The following CMTM4 variants were observed in gnomAD, a reference collection of about 807,000 sequenced individuals.
CMTM4 encodes the protein CKLF-like MARVEL transmembrane domain-containing protein 4.
In CMTM4, 8 loss-of-function variants were observed where a neutral mutation model predicts 19.0. The observed-to-expected ratio is 0.42, with a 90% CI of 0.25 to 0.76. CMTM4 has a LOEUF of 0.76. Ranked by LOEUF, CMTM4 falls within the 30% of genes least tolerant of loss-of-function variation. The probability of loss-of-function intolerance (pLI) is 0.27; values close to 1 mark genes in which losing one functional copy is unlikely to be tolerated. For missense variants in CMTM4, 228 were observed against 290.2 expected (o/e 0.79, Z 1.56); for synonymous variants, 106 against 121.1 (o/e 0.88, Z 0.82).
At chr16:66,682,045 A>G (rs900417123) in intron 1 of CMTM4, among the ~76,000 whole-genome samples, 4 of 152,122 alleles carry the variant, frequency 2.6e-5, no homozygotes, top group Admixed American at 1.3e-4. Flanking sequence ...AGGTGGTCCA[A>G]TGGTTTGTGT....
Position 66,619,069 on chromosome 16 carries a change from T to C in CMTM4, c.*2989A>G. On this transcript the variant is annotated 3_prime_UTR_variant, in exon 4 of 4. Coordinates refer to ENST00000394106, the MANE Select transcript of CMTM4 (RefSeq NM_181521.3). ...TTCAAATCAAACTTCTCTGACGAGA[T>C]TTTAATCTGAAACTGCATCTGTTCT... The C allele has an allele frequency of 1.0e-6, 1 of 985,474 alleles. No individual in the cohort carries two copies. Among genetic ancestry groups the C allele is most frequent in the Non-Finnish European group, 1.2e-6 (1 of 829,934 alleles). 61.0% of individuals were successfully genotyped at this position (985,474 alleles called of 1,614,324 possible). A position where few individuals can be genotyped will look rare whatever the true frequency, so the allele number is the denominator to read the frequency against.
At chr16:66,611,641 G>A (rs1321877055), downstream of CMTM4, among the ~76,000 whole-genome samples, 1 of 152,096 alleles carries the variant, frequency 6.6e-6, no homozygotes, top group Non-Finnish European at 1.5e-5. Context: ...GGGAGGGGAT[G>A]AGCATCAGGA....
At chr16:66,625,327 G>C (rs1473881214) in intron 2 of CMTM4, among the ~76,000 whole-genome samples, 2 of 151,984 alleles carry the variant, frequency 1.3e-5, no homozygotes, top group Admixed American at 1.3e-4. Context: ...CCAGCTACTC[G>C]GGAGGCTGAG....
chr16:66,627,172 T>A, intron 2 of CMTM4, among the ~76,000 whole-genome samples: 1 of 152,176 alleles, frequency 6.6e-6, no homozygotes, highest in Admixed American at 6.5e-5. Context: ...AAGTGCTCAA[T>A]AGGGGAGTTG....
rs1049467110 is a variant in CMTM4, at chr16:66,656,294, G to A, written c.187-19713C>T. Among the ~76,000 whole-genome samples, 6 of 152,240 alleles carry A rather than the reference G, an allele frequency of 3.9e-5. No individual in the cohort carries two copies. In the East Asian group the frequency reaches 7.7e-4, roughly 20 times the overall value. ...AAAAAACTGCCATTTGGCAGCTATC[G>A]TAATTCTTGATTCAGGCAAGAGTCA... is the stretch of plus-strand genomic sequence containing the variant. On this transcript the variant is annotated intron_variant, in intron 1 of 3. Transcript: ENST00000394106.
chr16:66,690,846 C>A (rs1010010300), intron 1 of CMTM4, among the ~76,000 whole-genome samples: 49 of 152,174 alleles, frequency 3.2e-4, no homozygotes, highest in African/African-American at 1.2e-3. Flanking sequence ...GTGGCTCACA[C>A]CTGTAATCCC....
intron 2 of CMTM4, among the ~76,000 whole-genome samples, chr16:66,633,569 G>C (rs1054421043): frequency 5.3e-5 from 8 of 152,128 alleles, no homozygotes; most frequent in African/African-American, 1.9e-4. Context: ...TGTAACCTCA[G>C]CACTTTGGGA....
At chr16:66,680,131 T>C (rs2098595934) in intron 1 of CMTM4, among the ~76,000 whole-genome samples, 1 of 152,180 alleles carries the variant, frequency 6.6e-6, no homozygotes, top group South Asian at 2.1e-4. Context: ...GTATCATTTA[T>C]TGATTGAGAA....
rs1033534062 is a variant in CMTM4 at position 66,619,882 on chromosome 16, C to T, written c.*2176G>A. On this transcript the variant is annotated 3_prime_UTR_variant, in exon 4 of 4. Transcript: ENST00000394106. The stretch of plus-strand genomic sequence containing the variant: ...CGAAGATGCAAATTAACTCCTAAGT[C>T]ACTCTCTGGCGTGTCATCCTTTTTG... 5.1e-6 allele frequency: 5 copies of T among 985,256 alleles called. No individual in the cohort carries two copies. The African/African-American group carries it at 8.7e-5, about 17-fold the overall frequency. 61.0% of individuals were successfully genotyped at this position (985,256 alleles called of 1,614,324 possible). A position where few individuals can be genotyped will look rare whatever the true frequency, so the allele number is the denominator to read the frequency against.
chr16:66,659,670 T>G (rs1173112237), intron 1 of CMTM4, among the ~76,000 whole-genome samples: 2 of 152,236 alleles, frequency 1.3e-5, no homozygotes, highest in Non-Finnish European at 2.9e-5. Flanking sequence ...ATATTGATAT[T>G]GTGGATGTGT....
At position 66,622,241 on chromosome 16, in the gene CMTM4, A is replaced by C; in HGVS notation, c.463-19T>G. On this transcript the variant is annotated intron_variant, in intron 3 of 3. Transcript: ENST00000394106. This position sits in a 1 kb window ranked among gnomAD's most constrained non-coding sequence, Gnocchi z 4.0. Reference sequence around the variant, plus strand: ...CAAATATCTAAAAACACACCAGCACAGTTAGTCCTCGGGCACGTGGCCTGG... The same window carrying C: ...CAAATATCTAAAAACACACCAGCACCGTTAGTCCTCGGGCACGTGGCCTGG... The C allele has an allele frequency of 6.2e-7, 1 of 1,612,280 alleles. No individual in the cohort carries two copies. Among genetic ancestry groups the C allele is most frequent in the East Asian group, 2.2e-5 (1 of 44,858 alleles).
rs1053088436 is a variant in CMTM4, at chr16:66,622,319, G to A, written c.463-97C>T. The stretch of plus-strand genomic sequence containing the variant: ...GCCACATGCAGCCCCTTCCTGCTCT[G>A]CCAGCTGATCATTACAACCCTGTGC... On this transcript the variant is annotated intron_variant, in intron 3 of 3. Coordinates refer to ENST00000394106, the MANE Select transcript of CMTM4 (RefSeq NM_181521.3). The surrounding 1 kb of genome is among the most constrained non-coding windows in gnomAD (Gnocchi z 4.0). The A allele has an allele frequency of 7.4e-7, 1 of 1,351,476 alleles. No homozygotes were observed. Among genetic ancestry groups the A allele is most frequent in the African/African-American group, 1.4e-5 (1 of 70,062 alleles). The allele number at this position is 1,351,476 out of a possible 1,614,324, so 83.7% of individuals were successfully genotyped here. A position where few individuals can be genotyped will look rare whatever the true frequency, so the allele number is the denominator to read the frequency against.
intron 1 of CMTM4, among the ~76,000 whole-genome samples, chr16:66,654,752 A>C (rs932156975): frequency 6.6e-6 from 1 of 152,066 alleles, no homozygotes; most frequent in Non-Finnish European, 1.5e-5. Flanking sequence ...GTTTTCTTTT[A>C]TTTATTCAAC....
chr16:66,620,508 G>A lies in CMTM4; in HGVS notation c.*1550C>T, dbSNP rs2015610734. ...CAGTGTTGCCTGATCAACACTGTGA[G>A]CTCAGATGCTGTCCTTTTCTGGGGA... On this transcript the variant is annotated 3_prime_UTR_variant, in exon 4 of 4. Coordinates refer to ENST00000394106, the MANE Select transcript of CMTM4 (RefSeq NM_181521.3). 3 of 985,386 alleles carry A rather than the reference G, an allele frequency of 3.0e-6. No individual in the cohort carries two copies. The highest frequency in any genetic ancestry group is 1.2e-6 in the Non-Finnish European group (1 of 829,988). 61.0% of individuals were successfully genotyped at this position (985,386 alleles called of 1,614,324 possible).
At position 66,619,992 on chromosome 16, in the gene CMTM4, C is replaced by G. The variant is rs2015599449; in HGVS notation, c.*2066G>C. 1.0e-6 allele frequency: 1 copy of G among 985,384 alleles called. No individual in the cohort carries two copies. The highest frequency in any genetic ancestry group is 1.2e-6 in the Non-Finnish European group (1 of 829,930). 61.0% of individuals were successfully genotyped at this position (985,384 alleles called of 1,614,324 possible). A position where few individuals can be genotyped will look rare whatever the true frequency, so the allele number is the denominator to read the frequency against. ...ATCCTCAGGAGGCCAACCACCTGCC[C>G]CCCTCTTTCACCAGATGATCAAGTG... is the stretch of plus-strand genomic sequence containing the variant. On this transcript the variant is annotated 3_prime_UTR_variant, in exon 4 of 4. Transcript: ENST00000394106.
In CMTM4 at chr16:66,623,498, A is replaced by G; in HGVS notation, c.368T>C (p.Leu123Ser). The change falls in exon 3 of 4, where the codon TTG becomes TCG. Residue 123 changes from leucine to serine, a missense_variant. Physicochemically the swap from Leu to Ser is moderately radical, Grantham distance 145. Transcript: ENST00000394106. The stretch of plus-strand genomic sequence containing the variant: ...GAAAGCGCTGAGTCCAGTGTTGACC[A>G]AATCCTAAAGGGAGAGACAAAATAA... ...IPQINWNLTD[L>S]VNTGLSAFLF... The G allele has an allele frequency of 1.2e-6, 2 of 1,606,348 alleles. No homozygotes were observed. Among genetic ancestry groups the G allele is most frequent in the Non-Finnish European group, 1.7e-6 (2 of 1,175,598 alleles).
the CMTM4 span, among the ~76,000 whole-genome samples, chr16:66,607,565 A>T: frequency 3.9e-5 from 6 of 151,948 alleles, no homozygotes; most frequent in African/African-American, 1.4e-4. Context: ...TTCAGGACGC[A>T]TATCATTAAG....
At chr16:66,612,991 G>GCGGGGGT (rs1479660197), downstream of CMTM4, 9 of 698,236 alleles carry the variant, frequency 1.3e-5, 1 homozygote, top group Admixed American at 2.0e-5. The surrounding 1 kb of genome is among the most constrained non-coding windows in gnomAD (Gnocchi z 6.0). Flanking sequence ...CTGCTAGGTG[G>GCGGGGGT]CGGGGGTCGG....
At chr16:66,648,667 AAAG>A (rs1369292819) in intron 1 of CMTM4, among the ~76,000 whole-genome samples, 7 of 151,864 alleles carry the variant, frequency 4.6e-5, no homozygotes, top group African/African-American at 1.7e-4. Context: ...TCAAAAAAAA[AAAG>A]AAATAAATCT....
Sources: gnomAD v4.1 joint callset for allele counts (sites outside exome capture counted in the v4.1 genomes callset) on GRCh38, gnomAD v4.1.1 for gene constraint, Gnocchi (gnomAD v3.1) non-coding constraint, MANE v1.5 for transcripts, NCBI Gene and HGNC (gene_info 2026-07-23, HGNC 2026-07-21) for gene names.